The following LARS2 variants were observed in gnomAD, a reference collection of about 807,000 sequenced individuals.
LARS2 encodes the protein leucine--tRNA ligase, mitochondrial.
LARS2 carries 81 observed loss-of-function variants against 116.6 expected under a neutral mutation model. The observed-to-expected ratio is 0.69, with a 90% CI of 0.58 to 0.84. The LOEUF is 0.84. Among genes scored for constraint, LARS2 ranks in the 40% least tolerant of loss-of-function variants. LARS2 has a pLI of 0.00. For missense variants in LARS2, 968 were observed against 1,114.5 expected, an observed-to-expected ratio of 0.87 and a Z score of 1.87; for synonymous variants, 396 against 407.2, an observed-to-expected ratio of 0.97 and a Z score of 0.33.
intron 10 of LARS2, among the ~76,000 whole-genome samples, chr3:45,484,630 A>AAAAAAATATATATATATATATATATATAT (rs1553634443): frequency 1.0e-4 from 1 of 9,738 alleles, no homozygotes; most frequent in African/African-American, 1.8e-4. Flanking sequence ...AAAAAAAAAA[A>AAAAAAATATATATATATATATATATATAT]ATATATATAT....
intron 20 of LARS2, among the ~76,000 whole-genome samples, chr3:45,537,949 C>T (rs1257468015): frequency 6.6e-6 from 1 of 152,230 alleles, no homozygotes; most frequent in Non-Finnish European, 1.5e-5. Context: ...CCGACCTTGT[C>T]AGGTAGGCTT....
At chr3:45,542,583 G>A (rs1465185723) in intron 21 of LARS2, among the ~76,000 whole-genome samples, 1 of 152,170 alleles carries the variant, frequency 6.6e-6, no homozygotes, top group Non-Finnish European at 1.5e-5. Context: ...AAAAAAAGAG[G>A]ACAGGGAGTA....
intron 3 of LARS2, among the ~76,000 whole-genome samples, chr3:45,399,106 A>G (rs546137250): frequency 6.6e-6 from 1 of 152,310 alleles, no homozygotes; most frequent in African/African-American, 2.4e-5. Flanking sequence ...AGAGTTATAT[A>G]ACCCTGGTCT....
At chr3:45,409,148 A>G (rs1378226927) in intron 4 of LARS2, among the ~76,000 whole-genome samples, 2 of 152,200 alleles carry the variant, frequency 1.3e-5, no homozygotes, top group Admixed American at 6.5e-5. Context: ...GGAAGTTGAG[A>G]GGGTTCAGGT....
chr3:45,498,758 C>T (rs1363065163), intron 14 of LARS2, among the ~76,000 whole-genome samples: 2 of 152,140 alleles, frequency 1.3e-5, no homozygotes, highest in Non-Finnish European at 2.9e-5. Context: ...CAGTGCTGCC[C>T]CTCCCACCGA....
chr3:45,443,732 T>C (rs1181194413), intron 6 of LARS2, among the ~76,000 whole-genome samples: 1 of 152,144 alleles, frequency 6.6e-6, no homozygotes, highest in Non-Finnish European at 1.5e-5. Context: ...ATTGGAATAA[T>C]GGTCCGGAAG....
intron 3 of LARS2, among the ~76,000 whole-genome samples, chr3:45,399,511 A>C (rs1032369868): frequency 6.6e-6 from 1 of 151,908 alleles, no homozygotes; most frequent in African/African-American, 2.4e-5. Flanking sequence ...TGGAGTAGCC[A>C]TTCTTTTATC....
chr3:45,403,356 G>T (rs982089072), intron 4 of LARS2, among the ~76,000 whole-genome samples: 2 of 151,532 alleles, frequency 1.3e-5, no homozygotes, highest in African/African-American at 2.4e-5. Context: ...CGCTCTTGTT[G>T]CCCAGGCTGG....
Position 45,390,682 on chromosome 3 carries a change from T to C in LARS2, c.-87-901T>C, listed in dbSNP as rs545995464. On this transcript the variant is annotated intron_variant, in intron 1 of 21. Transcript: ENST00000645846. The stretch of plus-strand genomic sequence containing the variant: ...ATTTATTTATTTTTGAGACGGAGTC[T>C]CGCTCTGTCACCCAGGCTGGAGTGC... 3.7e-3 allele frequency among the ~76,000 whole-genome samples: 553 copies of C among 150,286 alleles called. 2 individuals carry two copies. Among genetic ancestry groups the C allele is most frequent in the African/African-American group, 0.013 (528 of 40,764 alleles).
At chr3:45,471,753 A>G (rs147610011) in intron 8 of LARS2, among the ~76,000 whole-genome samples, 25 of 152,308 alleles carry the variant, frequency 1.6e-4, no homozygotes, top group African/African-American at 5.3e-4. Context: ...AGGAAAAGCT[A>G]TTGGTCATTT....
At chr3:45,529,542 T>TC (rs943819490) in intron 20 of LARS2, among the ~76,000 whole-genome samples, 1 of 142,996 alleles carries the variant, frequency 7.0e-6, no homozygotes, top group Non-Finnish European at 1.5e-5. Context: ...AGAGCGAAAC[T>TC]CCATCTCCAA....
intron 10 of LARS2, among the ~76,000 whole-genome samples, chr3:45,479,855 A>G (rs1699668268): frequency 6.6e-6 from 1 of 151,362 alleles, no homozygotes; most frequent in Non-Finnish European, 1.5e-5. Context: ...CTTTGGAACC[A>G]CACACTTCAG....
At chr3:45,534,945 T>A (rs1700677925) in intron 20 of LARS2, among the ~76,000 whole-genome samples, 1 of 152,218 alleles carries the variant, frequency 6.6e-6, no homozygotes, top group Non-Finnish European at 1.5e-5. Flanking sequence ...AATATTGTCC[T>A]ATCTAGATGA....
At chr3:45,471,942 C>T (rs1699534704) in intron 8 of LARS2, among the ~76,000 whole-genome samples, 1 of 152,110 alleles carries the variant, frequency 6.6e-6, no homozygotes, top group Non-Finnish European at 1.5e-5. Context: ...CGAGGCATTA[C>T]TGTATCAGCT....
chr3:45,394,577 A>G lies in LARS2; in HGVS notation c.124A>G (p.Ser42Gly), dbSNP rs373693561. 5 of 1,614,088 alleles carry G rather than the reference A, an allele frequency of 3.1e-6. No homozygotes were observed. The highest frequency in any genetic ancestry group is 4.2e-6 in the Non-Finnish European group (5 of 1,179,886). ...TCCCGGATGTACCAGAAGCATCTAC[A>G]GTGCCACGGGAAAGTGGACAAAAGA... The part of the protein sequence containing the change: ...VIPGCTRSIY[S>G]ATGKWTKEYT... Residue 42 changes from serine to glycine, a missense_variant, in exon 3 of 22, where the codon AGT becomes GGT. Physicochemically the swap from Ser to Gly is moderately conservative, Grantham distance 56 (BLOSUM62 0). Transcript: ENST00000645846.
chr3:45,541,801 C>T (rs1360747839), intron 20 of LARS2, 28 bp from the exon 21 acceptor site: 1 of 1,612,920 alleles, frequency 6.2e-7, no homozygotes, highest in Non-Finnish European at 8.5e-7. Flanking sequence ...TTAGAGTGAC[C>T]CCACGCTTCT....
rs183951648 is a variant in LARS2 at position 45,412,282 on chromosome 3, G to A, written c.364-5200G>A. Among the ~76,000 whole-genome samples the A allele has an allele frequency of 5.8e-4, 89 of 152,194 alleles. 1 individual carries two copies. The highest frequency in any genetic ancestry group is 2.0e-3 in the African/African-American group (85 of 41,526). On this transcript the variant is annotated intron_variant, in intron 4 of 21. Coordinates refer to ENST00000645846, the MANE Select transcript of LARS2 (RefSeq NM_015340.4). Reference sequence around the variant, plus strand: ...GAATCCCTACACTAGCTTCCACAATGGTTGAACCAATTTACGCTCCCACCA... The same window carrying A: ...GAATCCCTACACTAGCTTCCACAATAGTTGAACCAATTTACGCTCCCACCA...
At chr3:45,467,755 A>G (rs1044937275) in intron 8 of LARS2, among the ~76,000 whole-genome samples, 4 of 152,194 alleles carry the variant, frequency 2.6e-5, no homozygotes, top group East Asian at 1.9e-4. Flanking sequence ...ATTTTGACCA[A>G]TTGTGGGTAA....
At position 45,441,918 on chromosome 3, in the gene LARS2, C is replaced by T. The variant is rs191512705; in HGVS notation, c.517-4973C>T. Among the ~76,000 whole-genome samples, 338 of 152,210 alleles carry T rather than the reference C, an allele frequency of 2.2e-3. 2 individuals carry two copies. The highest frequency in any genetic ancestry group is 7.7e-3 in the Admixed American group (118 of 15,286). ...TTTTAATGCTAAAAACCAGGTATTA[C>T]AGAATGTAGAAATGCAGCTTGGAGG... is the stretch of plus-strand genomic sequence containing the variant. On this transcript the variant is annotated intron_variant, in intron 6 of 21. Transcript: ENST00000645846.
Sources: allele counts gnomAD v4.1 joint callset (sites outside exome capture counted in the v4.1 genomes callset), GRCh38; gene constraint gnomAD v4.1.1; transcripts MANE v1.5; gene names NCBI Gene and HGNC (gene_info 2026-07-23, HGNC 2026-07-21).